The following SAMD12 variants were observed in gnomAD, a reference collection of about 807,000 sequenced individuals.
SAMD12 encodes the protein sterile alpha motif domain containing 12, also known as sterile alpha motif domain-containing protein 12.
A neutral mutation model predicts 15.0 loss-of-function variants in SAMD12; 9 were observed. The observed-to-expected ratio is 0.60, with a 90% CI of 0.36 to 1.05. SAMD12 has a LOEUF of 1.05. SAMD12 is among the 50% of genes least tolerant of loss of function. The pLI, the probability that SAMD12 is intolerant of heterozygous loss-of-function variation, is 0.01. For synonymous variants in SAMD12, 86 were observed against 90.1 expected (o/e 0.96, Z 0.25); for missense variants, 230 against 234.2 (o/e 0.98, Z 0.12).
At chr8:118,335,076 T>G (rs1030820123) in intron 4 of SAMD12, among the ~76,000 whole-genome samples, 2 of 152,196 alleles carry the variant, frequency 1.3e-5, no homozygotes, top group African/African-American at 2.4e-5. Context: ...TGTTCTCTTG[T>G]GTCATGTTGA....
intron 3 of SAMD12, among the ~76,000 whole-genome samples, chr8:118,401,049 C>A (rs2515064): frequency 0.78 from 119,418 of 152,172 alleles, 47,800 homozygotes; most frequent in African/African-American, 0.93. Flanking sequence ...ACCATCCTTA[C>A]AATGATGTTA....
intron 2 of SAMD12, among the ~76,000 whole-genome samples, chr8:118,466,570 A>C (rs576689643): frequency 6.6e-6 from 1 of 152,290 alleles, no homozygotes; most frequent in African/African-American, 2.4e-5. Flanking sequence ...AAAACACCCA[A>C]GTGGGGTAAG....
chr8:118,339,101 G>A (rs1431010517), intron 4 of SAMD12, among the ~76,000 whole-genome samples: 2 of 152,184 alleles, frequency 1.3e-5, no homozygotes, highest in Non-Finnish European at 2.9e-5. Flanking sequence ...TGAGGTGTGA[G>A]GATTGTTTGA....
chr8:118,313,331 T>C (rs1815721648), intron 4 of SAMD12, among the ~76,000 whole-genome samples: 1 of 152,202 alleles, frequency 6.6e-6, no homozygotes, highest in African/African-American at 2.4e-5. Context: ...TGATAATTTA[T>C]ACTTTGAGAT....
chr8:118,272,480 G>A (rs911369369), intron 4 of SAMD12, among the ~76,000 whole-genome samples: 1 of 152,212 alleles, frequency 6.6e-6, no homozygotes, highest in Non-Finnish European at 1.5e-5. Flanking sequence ...CATTGTCTGG[G>A]TGATTAACAT....
At chr8:118,149,597 C>T in the SAMD12 span, among the ~76,000 whole-genome samples, 149,110 of 152,180 alleles carry the variant, frequency 0.98, 73,189 homozygotes, top group Middle Eastern at 1. Context: ...AATATAACTT[C>T]TTTCTTCTAT....
the SAMD12 span, among the ~76,000 whole-genome samples, chr8:118,152,849 G>A: frequency 2.6e-5 from 4 of 152,194 alleles, no homozygotes; most frequent in East Asian, 1.9e-4. Flanking sequence ...TGCACCACTG[G>A]TAGTGGGATT....
chr8:118,133,338 T>C, the SAMD12 span, among the ~76,000 whole-genome samples: 2,507 of 152,112 alleles, frequency 0.016, 68 homozygotes, highest in African/African-American at 0.058. Flanking sequence ...TCTTCTTTTT[T>C]TTCCTTCAAC....
Position 118,621,621 on chromosome 8 carries a change from C to A in SAMD12, c.13+183G>T, listed in dbSNP as rs185319250. ...TACCCTTCACGTCTCTCCAAAGCAA[C>A]TGAATTAAAGCGCCTACTGGCCTTG... On this transcript the variant is annotated intron_variant, in intron 1 of 3. Transcript: ENST00000314727. 1.8e-3 allele frequency: 1,176 copies of A among 662,584 alleles called. 5 individuals are homozygous for A. The highest frequency in any genetic ancestry group is 1.3e-3 in the Non-Finnish European group (493 of 369,522). The allele number at this position is 662,584 out of a possible 1,614,324, so 41.0% of individuals were successfully genotyped here.
intron 3 of SAMD12, among the ~76,000 whole-genome samples, chr8:118,410,870 CAG>C (rs1821376407): frequency 6.6e-6 from 1 of 152,078 alleles, no homozygotes; most frequent in Admixed American, 6.6e-5. Context: ...ATAACTTTGA[CAG>C]AATTTGTTAT....
At chr8:118,321,140 A>AATAAATAAATATATATAT (rs1816238169) in intron 4 of SAMD12, among the ~76,000 whole-genome samples, 1 of 78,734 alleles carries the variant, frequency 1.3e-5, no homozygotes, top group African/African-American at 5.9e-5. Flanking sequence ...TATCATAGAT[A>AATAAATAAATATATATAT]ATAAATATAT....
intron 2 of SAMD12, among the ~76,000 whole-genome samples, chr8:118,443,508 C>G (rs1183108977): frequency 6.6e-6 from 1 of 151,852 alleles, no homozygotes; most frequent in Non-Finnish European, 1.5e-5. Context: ...TATGAGCCTA[C>G]AAAAATGCCT....
At chr8:118,384,215 C>T (rs988080344) in intron 3 of SAMD12, among the ~76,000 whole-genome samples, 2 of 152,112 alleles carry the variant, frequency 1.3e-5, no homozygotes, top group Non-Finnish European at 2.9e-5. Context: ...GAAATTAGGT[C>T]TCAGAGAAGA....
chr8:118,340,908 G>A (rs1342106600), intron 4 of SAMD12, among the ~76,000 whole-genome samples: 1 of 152,202 alleles, frequency 6.6e-6, no homozygotes, highest in Admixed American at 6.5e-5. Flanking sequence ...ATGGGGATCA[G>A]AACAGAGCGC....
chr8:118,531,641 A>C (rs945521214), intron 2 of SAMD12, among the ~76,000 whole-genome samples: 2 of 152,184 alleles, frequency 1.3e-5, no homozygotes, highest in African/African-American at 4.8e-5. Flanking sequence ...GAGGTCCTTC[A>C]CATCCCTTGT....
At chr8:118,306,236 A>G (rs1043435929) in intron 4 of SAMD12, among the ~76,000 whole-genome samples, 4 of 152,150 alleles carry the variant, frequency 2.6e-5, no homozygotes, top group Non-Finnish European at 5.9e-5. Context: ...TGAATCTTCT[A>G]CTGGAGAAAG....
chr8:118,270,485 CTA>C (rs1813329346), intron 4 of SAMD12, among the ~76,000 whole-genome samples: 1 of 152,138 alleles, frequency 6.6e-6, no homozygotes, highest in South Asian at 2.1e-4. Context: ...CTATCTCACT[CTA>C]TATGTTTGTT....
chr8:118,444,520 T>C (rs1296639601), intron 2 of SAMD12, among the ~76,000 whole-genome samples: 1 of 151,988 alleles, frequency 6.6e-6, no homozygotes, highest in Non-Finnish European at 1.5e-5. Flanking sequence ...CCTGAGAGAA[T>C]GGTTGTTTGC....
intron 2 of SAMD12, among the ~76,000 whole-genome samples, chr8:118,452,397 A>G (rs1358064956): frequency 6.6e-6 from 1 of 152,196 alleles, no homozygotes; most frequent in Non-Finnish European, 1.5e-5. Flanking sequence ...AGGTAAATGA[A>G]TTATAATAGA....
Sources: gnomAD v4.1 joint callset for allele counts (sites outside exome capture counted in the v4.1 genomes callset) on GRCh38, gnomAD v4.1.1 for gene constraint, MANE v1.5 for transcripts, NCBI Gene and HGNC (gene_info 2026-07-23, HGNC 2026-07-21) for gene names.